Variants in RELN observed in about 807,000 individuals in gnomAD.
The protein encoded by RELN is reelin.
Under a neutral mutation model 427.6 loss-of-function variants are expected in RELN, and 108 were observed. The ratio of observed to expected loss-of-function variants is 0.25; its 90% CI spans 0.22 to 0.30. RELN has a LOEUF of 0.30. RELN is among the 10% of genes least tolerant of loss of function. The pLI is 1.00. For synonymous variants in RELN, 1,524 were observed against 1,513.4 expected (o/e 1.01, Z -0.16); for missense variants, 3,715 against 4,302.8 (o/e 0.86, Z 3.82).
chr7:103,749,249 T>C (rs896620872), intron 6 of RELN, among the ~76,000 whole-genome samples, 177 bp downstream of exon 6: 3 of 151,996 alleles, frequency 2.0e-5, no homozygotes, highest in Admixed American at 2.0e-4. Flanking sequence ...CTTAAAGAAG[T>C]CAAGTAATAG....
chr7:103,532,463 G>GA lies in RELN; in HGVS notation c.7349+2852dup, dbSNP rs35237678. Reference sequence around the variant, plus strand: ...AACCCTGAACTTAAAAGCTGGAAATGAAAAAAAAAAGAAGAAGCTTTTCTG... The same window carrying GA: ...AACCCTGAACTTAAAAGCTGGAAATGAAAAAAAAAAAGAAGAAGCTTTTCTG... On this transcript the variant is annotated intron_variant, in intron 46 of 64. Transcript: ENST00000428762. Among the ~76,000 whole-genome samples, 741 of 148,312 alleles carry GA rather than the reference G, an allele frequency of 5.0e-3. 13 individuals are homozygous for GA. Among genetic ancestry groups the GA allele is most frequent in the South Asian group, 2.3e-3 (11 of 4,718 alleles).
chr7:103,500,480 G>GA (rs995586861), intron 53 of RELN, among the ~76,000 whole-genome samples: 29 of 146,572 alleles, frequency 2.0e-4, no homozygotes, highest in Non-Finnish European at 2.6e-4. Context: ...GTCTGCTTAA[G>GA]AAAAAAAAAA....
intron 8 of RELN, among the ~76,000 whole-genome samples, chr7:103,715,828 T>C (rs12705150): frequency 0.15 from 22,278 of 152,250 alleles, 1,702 homozygotes; most frequent in South Asian, 0.19. Flanking sequence ...AGTAGTTTCA[T>C]TGCCATGTTG....
intron 6 of RELN, among the ~76,000 whole-genome samples, chr7:103,747,311 C>T (rs531632640): frequency 9.8e-4 from 149 of 151,696 alleles, no homozygotes; most frequent in African/African-American, 3.5e-3. Flanking sequence ...ATATCTAATG[C>T]TAAATGACAA....
chr7:103,971,067 G>A (rs555987174), intron 1 of RELN, among the ~76,000 whole-genome samples: 2 of 151,152 alleles, frequency 1.3e-5, no homozygotes, highest in Non-Finnish European at 2.9e-5. Context: ...CAAGAGAATC[G>A]CTCGAACCTG....
At chr7:103,930,036 C>A (rs1234904489) in intron 1 of RELN, among the ~76,000 whole-genome samples, 1 of 152,202 alleles carries the variant, frequency 6.6e-6, no homozygotes, top group Non-Finnish European at 1.5e-5. Flanking sequence ...ATATTGCTCA[C>A]CTCATGCCAA....
intron 2 of RELN, among the ~76,000 whole-genome samples, chr7:103,852,219 G>A (rs1021323851): frequency 6.6e-6 from 1 of 152,084 alleles, no homozygotes; most frequent in Non-Finnish European, 1.5e-5. Context: ...TCACCCAATT[G>A]CTAAACTAAT....
intron 41 of RELN, among the ~76,000 whole-genome samples, chr7:103,549,189 A>T (rs1290574398): frequency 6.6e-6 from 1 of 152,116 alleles, no homozygotes. Flanking sequence ...GGTGGCTTAT[A>T]AATAACAGAA....
In RELN at chr7:103,478,556, CTTA is replaced by C. The variant is rs750647124; in HGVS notation, c.10281-165_10281-163del. The C allele has an allele frequency of 1.2e-5, 8 of 657,670 alleles. 1 individual carries two copies. The highest frequency in any genetic ancestry group is 1.2e-4 in the South Asian group (7 of 60,466). 40.7% of individuals were successfully genotyped at this position (657,670 alleles called of 1,614,324 possible). A position where few individuals can be genotyped will look rare whatever the true frequency, so the allele number is the denominator to read the frequency against. On this transcript the variant is annotated intron_variant, in intron 63 of 64. Coordinates refer to ENST00000428762, the MANE Select transcript of RELN (RefSeq NM_005045.4). ...AAAATAAAAATTAAAGAAGTTATTT[CTTA>C]TTCTTCTATACCCAAGATCTACATA...
chr7:103,591,705 A>G (rs1373202890), intron 27 of RELN, among the ~76,000 whole-genome samples: 2 of 152,188 alleles, frequency 1.3e-5, no homozygotes, highest in African/African-American at 2.4e-5. Context: ...TAAATTTGCC[A>G]TGATTGCTGT....
chr7:103,919,181 G>C (rs1203842382), intron 1 of RELN, among the ~76,000 whole-genome samples: 2 of 134,526 alleles, frequency 1.5e-5, no homozygotes, highest in African/African-American at 5.8e-5. Context: ...ATGTTGCCCA[G>C]ACTCTCATGG....
chr7:103,943,418 G>A (rs1050136330), intron 1 of RELN, among the ~76,000 whole-genome samples: 1 of 152,116 alleles, frequency 6.6e-6, no homozygotes, highest in African/African-American at 2.4e-5. Context: ...GGCATAACAT[G>A]GAAATTTAAT....
At chr7:103,507,466 G>A (rs908601615) in intron 51 of RELN, among the ~76,000 whole-genome samples, 1 of 152,274 alleles carries the variant, frequency 6.6e-6, no homozygotes, top group African/African-American at 2.4e-5. Context: ...CAGAAATAAA[G>A]ATGTTCTTTG....
At chr7:103,857,585 C>A (rs1222883762) in intron 2 of RELN, among the ~76,000 whole-genome samples, 1 of 152,154 alleles carries the variant, frequency 6.6e-6, no homozygotes, top group Non-Finnish European at 1.5e-5. Flanking sequence ...TGCAGTGTTG[C>A]CCCCAGAGGC....
intron 41 of RELN, 22 bp downstream of exon 41, chr7:103,551,045 G>C: frequency 6.3e-7 from 1 of 1,579,768 alleles, no homozygotes; most frequent in Non-Finnish European, 8.7e-7. Context: ...AACAAATGTG[G>C]CGTCAAGCAG....
chr7:103,616,965 A>T (rs1395794368), intron 20 of RELN, among the ~76,000 whole-genome samples: 1 of 152,184 alleles, frequency 6.6e-6, no homozygotes, highest in Non-Finnish European at 1.5e-5. Context: ...AAAAGTTGAC[A>T]CTTATTGTCA....
chr7:103,700,421 A>C (rs1271724087), intron 9 of RELN, among the ~76,000 whole-genome samples: 2 of 152,154 alleles, frequency 1.3e-5, no homozygotes, highest in Non-Finnish European at 2.9e-5. Flanking sequence ...CATCACAATT[A>C]TGTTAATAGA....
At chr7:103,740,608 T>C (rs898290335) in intron 6 of RELN, among the ~76,000 whole-genome samples, 4 of 152,236 alleles carry the variant, frequency 2.6e-5, no homozygotes, top group African/African-American at 7.2e-5. Flanking sequence ...TCATTTTATG[T>C]TCCTCATTTT....
At chr7:103,814,010 T>C (rs959968950) in intron 3 of RELN, among the ~76,000 whole-genome samples, 22 of 152,214 alleles carry the variant, frequency 1.4e-4, no homozygotes, top group African/African-American at 5.3e-4. Context: ...TTTCTTTCTC[T>C]ACCTTTACAT....
Sources: gnomAD v4.1 joint callset for allele counts (sites outside exome capture counted in the v4.1 genomes callset) on GRCh38, gnomAD v4.1.1 for gene constraint, MANE v1.5 for transcripts, NCBI Gene and HGNC (gene_info 2026-07-23, HGNC 2026-07-21) for gene names.